TNPO1: variants seen among roughly 807,000 people sequenced by gnomAD.
TNPO1 encodes transportin 1, also known as transportin-1.
In TNPO1, 8 loss-of-function variants were observed where a neutral mutation model predicts 119.5. That is an observed-to-expected ratio of 0.07 (90% CI 0.04 to 0.12). The LOEUF (loss-of-function observed/expected upper bound fraction) is 0.12. Among genes scored for constraint, TNPO1 ranks in the 10% least tolerant of loss-of-function variants. TNPO1 has a pLI of 1.00. For synonymous variants in TNPO1, 362 were observed against 363.0 expected (o/e 1.00, Z 0.03); for missense variants, 576 against 1,089.8 (o/e 0.53, Z 6.64).
At chr5:72,816,832 T>G in intron 1 of TNPO1, 80 bp downstream of exon 1, 1 of 1,486,136 alleles carries the variant, frequency 6.7e-7, no homozygotes. Flanking sequence ...CTGACGCGCC[T>G]ACGGGAGAGA....
At chr5:72,832,476 C>T (rs1186592036) in intron 1 of TNPO1, among the ~76,000 whole-genome samples, 1 of 152,038 alleles carries the variant, frequency 6.6e-6, no homozygotes, top group African/African-American at 2.4e-5. Context: ...CTCTTTTATG[C>T]TTGTTCATAC....
intron 22 of TNPO1, among the ~76,000 whole-genome samples, chr5:72,902,419 CAT>C (rs1429152287): frequency 2.0e-5 from 3 of 151,944 alleles, no homozygotes; most frequent in Non-Finnish European, 2.9e-5. Context: ...ATTTCACACT[CAT>C]AAAATATTCA....
At chr5:72,862,629 AC>A (rs1259472718) in intron 5 of TNPO1, among the ~76,000 whole-genome samples, 1 of 148,018 alleles carries the variant, frequency 6.8e-6, no homozygotes, top group Non-Finnish European at 1.5e-5. Context: ...ACTTCACTAA[AC>A]TTGTCTTCGT....
chr5:72,829,811 A>T (rs937841123), intron 1 of TNPO1, among the ~76,000 whole-genome samples: 3 of 151,860 alleles, frequency 2.0e-5, no homozygotes, highest in Admixed American at 6.6e-5. Context: ...TTTTTTTCTG[A>T]TGTTATTTTG....
chr5:72,856,907 TG>T (rs1178770260), intron 4 of TNPO1, among the ~76,000 whole-genome samples: 1 of 152,202 alleles, frequency 6.6e-6, no homozygotes, highest in Non-Finnish European at 1.5e-5. Context: ...AGCGTACTAA[TG>T]GGCAGCCTTT....
intron 14 of TNPO1, 145 bp from the exon 15 acceptor site, chr5:72,891,663 CTG>C (rs1749069153): frequency 5.4e-6 from 3 of 560,362 alleles, no homozygotes; most frequent in South Asian, 5.0e-5. Context: ...TTAAAAGGGA[CTG>C]TGCAGAGTGA....
At chr5:72,868,458 A>ACC (rs777811047) in intron 6 of TNPO1, among the ~76,000 whole-genome samples, 1 of 113,318 alleles carries the variant, frequency 8.8e-6, no homozygotes, top group Non-Finnish European at 2.1e-5. Context: ...AAAAAAAAAA[A>ACC]ACACAAAATA....
Position 72,887,066 on chromosome 5 carries a change from T to G in TNPO1, c.1151-4T>G, listed in dbSNP as rs1335282869. 1.2e-6 allele frequency: 2 copies of G among 1,603,066 alleles called. No homozygotes were observed. The highest frequency in any genetic ancestry group is 1.7e-6 in the Non-Finnish European group (2 of 1,174,882). On this transcript the variant is annotated splice_region_variant and splice_polypyrimidine_tract_variant and intron_variant, in intron 11 of 24. Coordinates refer to ENST00000337273, the MANE Select transcript of TNPO1 (RefSeq NM_002270.4). ...TAATATTTTTGAATTAAATATTTCC[T>G]TAGGAAAATGTTCTGCTGCTGCCCT...
At chr5:72,819,255 CAG>C (rs1249701887) in intron 1 of TNPO1, among the ~76,000 whole-genome samples, 1 of 152,144 alleles carries the variant, frequency 6.6e-6, no homozygotes, top group Admixed American at 6.5e-5. Flanking sequence ...AACTCACCCT[CAG>C]GGAACTAAAT....
At chr5:72,884,911 C>T (rs1186753327) in intron 11 of TNPO1, among the ~76,000 whole-genome samples, 2 of 152,206 alleles carry the variant, frequency 1.3e-5, no homozygotes, top group Non-Finnish European at 2.9e-5. Flanking sequence ...CCTGGGGGAA[C>T]AAAATCAACC....
chr5:72,827,515 T>C (rs1394325403), intron 1 of TNPO1, among the ~76,000 whole-genome samples: 1 of 152,064 alleles, frequency 6.6e-6, no homozygotes, highest in East Asian at 1.9e-4. Context: ...ATTCAGAGTA[T>C]ATTTTGATGG....
chr5:72,816,955 G>A (rs577709359), intron 1 of TNPO1: 1 of 559,054 alleles, frequency 1.8e-6, no homozygotes, highest in Non-Finnish European at 3.0e-6. Context: ...CGGGACCCGG[G>A]TAGGGAGCAG....
chr5:72,858,693 C>A (rs1304930909), intron 4 of TNPO1, among the ~76,000 whole-genome samples: 1 of 151,982 alleles, frequency 6.6e-6, no homozygotes. Context: ...AAAAATTATC[C>A]GGGTGTGGTG....
At chr5:72,877,094 C>CA (rs35883847) in intron 8 of TNPO1, 134 bp from the exon 9 acceptor site, 5,203 of 233,394 alleles carry the variant, frequency 0.022, no homozygotes, top group South Asian at 0.037. Flanking sequence ...GACTGCATCT[C>CA]AAAAAAAAAA....
In TNPO1 at chr5:72,879,482, C is replaced by T. The variant is rs77669792; in HGVS notation, c.920+2136C>T. ...ACCCATTTTGCTGTGCTAATTAGTG[C>T]CAACATTAAACAACTCAAGCCAGTC... On this transcript the variant is annotated intron_variant, in intron 9 of 24. Coordinates refer to ENST00000337273, the MANE Select transcript of TNPO1 (RefSeq NM_002270.4). 2.6e-5 allele frequency among the ~76,000 whole-genome samples: 4 copies of T among 152,272 alleles called. No individual in the cohort carries two copies. The East Asian group carries it at 5.8e-4, about 22-fold the overall frequency.
intron 7 of TNPO1, among the ~76,000 whole-genome samples, chr5:72,874,577 CAATTAA>C (rs1479283437): frequency 6.6e-6 from 1 of 152,084 alleles, no homozygotes; most frequent in Non-Finnish European, 1.5e-5. Context: ...ATGTAAAATA[CAATTAA>C]AACAGGAACT....
At chr5:72,821,238 A>T (rs757456902) in intron 1 of TNPO1, among the ~76,000 whole-genome samples, 1 of 152,192 alleles carries the variant, frequency 6.6e-6, no homozygotes, top group Non-Finnish European at 1.5e-5. Flanking sequence ...CTCCGAAGCC[A>T]TTAGTAAAAT....
chr5:72,862,897 C>G (rs1272254514), intron 5 of TNPO1, among the ~76,000 whole-genome samples: 1 of 152,096 alleles, frequency 6.6e-6, no homozygotes, highest in Non-Finnish European at 1.5e-5. Context: ...ATCCACCTGT[C>G]TCAACCTCCC....
chr5:72,911,845 T>C lies in TNPO1; in HGVS notation c.*3172T>C, dbSNP rs1289418646. 6.6e-6 allele frequency: 1 copy of C among 152,564 alleles called. No individual in the cohort carries two copies. Among genetic ancestry groups the C allele is most frequent in the Non-Finnish European group, 1.5e-5 (1 of 67,956 alleles). 9.5% of individuals were successfully genotyped at this position (152,564 alleles called of 1,614,324 possible). A position where few individuals can be genotyped will look rare whatever the true frequency, so the allele number is the denominator to read the frequency against. ...AGTGTTTACTGTTTTATATATGCCTTCTTTTTCCTGTTTGAGCTTCTCTCT... is the reference window on the plus strand; with the variant it reads ...AGTGTTTACTGTTTTATATATGCCTCCTTTTTCCTGTTTGAGCTTCTCTCT... On this transcript the variant is annotated 3_prime_UTR_variant, in exon 25 of 25. Coordinates refer to ENST00000337273, the MANE Select transcript of TNPO1 (RefSeq NM_002270.4).
Sources: gnomAD v4.1 joint callset for allele counts (sites outside exome capture counted in the v4.1 genomes callset) on GRCh38, gnomAD v4.1.1 for gene constraint, MANE v1.5 for transcripts, NCBI Gene and HGNC (gene_info 2026-07-23, HGNC 2026-07-21) for gene names.